Variants in ASPH observed in about 807,000 individuals in gnomAD.
ASPH encodes aspartate beta-hydroxylase.
A neutral mutation model predicts 118.4 loss-of-function variants in ASPH; 100 were observed. The observed-to-expected ratio is 0.84, with a 90% CI of 0.72 to 1.00. The LOEUF (loss-of-function observed/expected upper bound fraction) is 1.00. ASPH is among the 50% of genes least tolerant of loss of function. ASPH has a pLI of 0.00. For synonymous variants in ASPH, 315 were observed against 325.6 expected, an observed-to-expected ratio of 0.97 and a Z score of 0.35; for missense variants, 920 against 919.5, an observed-to-expected ratio of 1.00 and a Z score of -0.01.
chr8:61,561,949 C>A (rs1226636521), intron 18 of ASPH, among the ~76,000 whole-genome samples: 1 of 152,076 alleles, frequency 6.6e-6, no homozygotes, highest in Non-Finnish European at 1.5e-5. Context: ...AAAAGCAAAA[C>A]AAAACTGTAG....
chr8:61,541,150 A>G (rs1404108028), intron 21 of ASPH, among the ~76,000 whole-genome samples: 1 of 152,184 alleles, frequency 6.6e-6, no homozygotes, highest in Non-Finnish European at 1.5e-5. Flanking sequence ...ATTTTAAAAG[A>G]TAGAATTTAT....
chr8:61,563,753 A>G (rs137899609), intron 17 of ASPH, among the ~76,000 whole-genome samples: 105 of 152,264 alleles, frequency 6.9e-4, no homozygotes, highest in South Asian at 5.2e-3. Flanking sequence ...TTCCTTTTCT[A>G]TACCTTTCCT....
chr8:61,675,910 G>T, intron 3 of ASPH: 1 of 1,432,862 alleles, frequency 7.0e-7, no homozygotes, highest in Non-Finnish European at 9.1e-7. Context: ...GAGCGAGCAA[G>T]GGACTAGCTA....
chr8:61,646,903 T>C (rs1453052416), intron 5 of ASPH, 25 bp from the exon 6 acceptor site: 1 of 1,613,186 alleles, frequency 6.2e-7, no homozygotes, highest in Non-Finnish European at 8.5e-7. Flanking sequence ...AAAGTGACAC[T>C]GGCAACATAC....
intron 14 of ASPH, among the ~76,000 whole-genome samples, chr8:61,604,212 A>G (rs1844917311): frequency 6.6e-6 from 1 of 152,184 alleles, no homozygotes; most frequent in African/African-American, 2.4e-5. Context: ...TGGTAGGTAC[A>G]TATATGCAGA....
intron 3 of ASPH, chr8:61,658,507 A>G (rs537981669): frequency 3.9e-5 from 6 of 152,226 alleles, no homozygotes; most frequent in Non-Finnish European, 8.8e-5. Context: ...CTGGGACAAG[A>G]GGATGCCTTT....
intron 14 of ASPH, among the ~76,000 whole-genome samples, chr8:61,589,737 A>G (rs1335164509): frequency 2.0e-5 from 3 of 152,198 alleles, no homozygotes. Context: ...TCACTCAAGA[A>G]TTTGTTAAAG....
intron 21 of ASPH, among the ~76,000 whole-genome samples, chr8:61,539,599 G>A (rs911245920): frequency 9.2e-5 from 14 of 151,892 alleles, no homozygotes; most frequent in Non-Finnish European, 1.8e-4. Context: ...CTATCTATTA[G>A]GAGACTGCCT....
chr8:61,643,997 T>G lies in ASPH; in HGVS notation c.657A>C (p.Ser219=). The G allele has an allele frequency of 1.2e-6, 2 of 1,608,246 alleles. No homozygotes were observed. Among genetic ancestry groups the G allele is most frequent in the Non-Finnish European group, 1.7e-6 (2 of 1,175,510 alleles). Residue 219 remains serine, a synonymous_variant, in exon 8 of 25, where the codon TCA becomes TCC. Coordinates refer to ENST00000379454, the MANE Select transcript of ASPH (RefSeq NM_004318.4). ...CTTCCATATCCTGATTACAGTCTTG[T>G]GAAACTATAAATTATGGAATAATTA... ...EHSYHVEETV[S]QDCNQDMEEM... is the part of the protein sequence containing the mutation.
chr8:61,602,856 T>G (rs1340246930), intron 14 of ASPH, among the ~76,000 whole-genome samples: 2 of 146,166 alleles, frequency 1.4e-5, no homozygotes, highest in African/African-American at 2.8e-5. Context: ...GTTGTTATAA[T>G]AAACATATAA....
At chr8:61,662,780 G>A in intron 3 of ASPH, 1 of 904,548 alleles carries the variant, frequency 1.1e-6, no homozygotes, top group Non-Finnish European at 1.3e-6. Flanking sequence ...TTCAATTCTT[G>A]AGCTAACAGT....
intron 2 of ASPH, chr8:61,683,801 G>T: frequency 7.6e-6 from 3 of 392,936 alleles, no homozygotes; most frequent in Non-Finnish European, 1.4e-5. Context: ...TTCTCCCTGT[G>T]TGACAGACAT....
At chr8:61,598,541 T>C (rs1456109130) in intron 14 of ASPH, among the ~76,000 whole-genome samples, 1 of 152,204 alleles carries the variant, frequency 6.6e-6, no homozygotes, top group Admixed American at 6.5e-5. Context: ...ACAATAATAG[T>C]TGGCAAGTTC....
intron 20 of ASPH, among the ~76,000 whole-genome samples, chr8:61,550,801 T>C (rs777022599): frequency 2.4e-4 from 36 of 152,268 alleles, no homozygotes; most frequent in Admixed American, 5.2e-4. Flanking sequence ...ACAGCTATCA[T>C]TGAGGACGCA....
intron 15 of ASPH, among the ~76,000 whole-genome samples, chr8:61,577,782 A>C (rs1330041240): frequency 6.6e-6 from 1 of 152,174 alleles, no homozygotes; most frequent in African/African-American, 2.4e-5. Flanking sequence ...CATGGGGGAA[A>C]CTGCCCCCTT....
chr8:61,538,151 A>C (rs1207930940), intron 21 of ASPH, among the ~76,000 whole-genome samples: 2 of 152,196 alleles, frequency 1.3e-5, no homozygotes, highest in African/African-American at 4.8e-5. Flanking sequence ...AAACAACAAA[A>C]AAACAGGCTC....
At chr8:61,589,795 C>A (rs908237827) in intron 14 of ASPH, among the ~76,000 whole-genome samples, 28 of 152,216 alleles carry the variant, frequency 1.8e-4, no homozygotes, top group African/African-American at 6.7e-4. Context: ...TCAACGGGAT[C>A]TTTCTTAAGG....
chr8:61,589,643 G>A (rs890713494), intron 14 of ASPH, among the ~76,000 whole-genome samples: 8 of 152,140 alleles, frequency 5.3e-5, no homozygotes, highest in African/African-American at 1.4e-4. Context: ...AACACTGGCC[G>A]TTCCTCAGCA....
intron 14 of ASPH, among the ~76,000 whole-genome samples, chr8:61,585,780 GA>G (rs1435768916): frequency 6.6e-6 from 1 of 152,130 alleles, no homozygotes; most frequent in Non-Finnish European, 1.5e-5. Flanking sequence ...CCAGAGGAGG[GA>G]AGGCTGTGTG....
Sources: allele counts gnomAD v4.1 joint callset (sites outside exome capture counted in the v4.1 genomes callset), GRCh38; gene constraint gnomAD v4.1.1; transcripts MANE v1.5; gene names NCBI Gene and HGNC (gene_info 2026-07-23, HGNC 2026-07-21).